The following FXN variants were observed in gnomAD, a reference collection of about 807,000 sequenced individuals.
FXN encodes the protein frataxin.
In FXN, 14 loss-of-function variants were observed where a neutral mutation model predicts 22.4. The observed-to-expected ratio is 0.62, with a 90% CI of 0.41 to 0.98. The LOEUF is 0.98. FXN is among the 50% of genes least tolerant of loss of function. FXN has a pLI of 0.00. For missense variants in FXN, 267 were observed against 268.4 expected (o/e 0.99, Z 0.04); for synonymous variants, 120 against 114.1 (o/e 1.05, Z -0.33).
chr9:69,049,067 C>G (rs1831808187), intron 2 of FXN, among the ~76,000 whole-genome samples: 1 of 152,288 alleles, frequency 6.6e-6, no homozygotes, highest in Admixed American at 6.5e-5. Flanking sequence ...GCATAGGGCC[C>G]TTGCAGGATG....
intron 1 of FXN, among the ~76,000 whole-genome samples, chr9:69,039,329 G>GA (rs1487247378): frequency 1.3e-5 from 2 of 152,006 alleles, no homozygotes; most frequent in East Asian, 3.8e-4. Context: ...AAATGAAGTT[G>GA]AAAATCCAGG....
Position 69,076,286 on chromosome 9 carries a change from C to A in FXN, c.*3524C>A, listed in dbSNP as rs1832366944. 4 of 984,338 alleles carry A rather than the reference C, an allele frequency of 4.1e-6. No homozygotes were observed. The highest frequency in any genetic ancestry group is 4.8e-6 in the Non-Finnish European group (4 of 829,706). 61.0% of individuals were successfully genotyped at this position (984,338 alleles called of 1,614,324 possible). On this transcript the variant is annotated 3_prime_UTR_variant, in exon 5 of 5. Coordinates refer to ENST00000484259, the MANE Select transcript of FXN (RefSeq NM_000144.5). The stretch of plus-strand genomic sequence containing the variant: ...TGAGCCTGGGCCCACAGGCAAAGCA[C>A]AATCCTGATGTGAGAAGTACTCAGT...
rs370051686 is a variant in FXN at position 69,075,829 on chromosome 9, T to G, written c.*3067T>G. 9.5e-5 allele frequency: 60 copies of G among 630,308 alleles called. 1 individual carries two copies. The South Asian group carries it at 3.7e-3, about 39-fold the overall frequency. 39.0% of individuals were successfully genotyped at this position (630,308 alleles called of 1,614,324 possible). ...CATGGCAGCCTCGACCTCCCTGGGC[T>G]TGGGCAATCCTCCCACAGGTGTGCA... is the stretch of plus-strand genomic sequence containing the variant. On this transcript the variant is annotated 3_prime_UTR_variant, in exon 5 of 5. Transcript: ENST00000484259.
At position 69,073,411 on chromosome 9, in the gene FXN, T is replaced by C; in HGVS notation, c.*649T>C. 1 of 985,524 alleles carries C rather than the reference T, an allele frequency of 1.0e-6. No individual in the cohort carries two copies. Among genetic ancestry groups the C allele is most frequent in the Non-Finnish European group, 1.2e-6 (1 of 830,010 alleles). 61.0% of individuals were successfully genotyped at this position (985,524 alleles called of 1,614,324 possible). A position where few individuals can be genotyped will look rare whatever the true frequency, so the allele number is the denominator to read the frequency against. ...ATTCACATACGTGTCTGTGTGTATA[T>C]ATATTTTTTCAATTTAAAGGTTAGT... On this transcript the variant is annotated 3_prime_UTR_variant, in exon 5 of 5. Transcript: ENST00000484259.
chr9:69,071,088 G>A, intron 4 of FXN: 1 of 450,596 alleles, frequency 2.2e-6, no homozygotes, highest in South Asian at 1.6e-5. Context: ...GAGAATTCTA[G>A]GGACACGTGG....
At chr9:69,065,944 T>C (rs1386299102) in intron 4 of FXN, among the ~76,000 whole-genome samples, 2 of 152,190 alleles carry the variant, frequency 1.3e-5, no homozygotes, top group Admixed American at 1.3e-4. Context: ...TAGAGTGTTA[T>C]ATATTGCTGC....
chr9:69,060,263 C>T lies in FXN; in HGVS notation c.385-4675C>T, dbSNP rs760316594. Among the ~76,000 whole-genome samples the T allele has an allele frequency of 9.3e-4, 142 of 151,924 alleles. 1 individual carries two copies. The highest frequency in any genetic ancestry group is 1.3e-3 in the Admixed American group (20 of 15,256). ...GTGGGCGCCTGTAGTCCCAGCTACTCGGGAAGCTGAGGCAGGAGAATGGCG... is the reference window on the plus strand; with the variant it reads ...GTGGGCGCCTGTAGTCCCAGCTACTTGGGAAGCTGAGGCAGGAGAATGGCG... On this transcript the variant is annotated intron_variant, in intron 3 of 4. Coordinates refer to ENST00000484259, the MANE Select transcript of FXN (RefSeq NM_000144.5).
chr9:69,068,831 C>T (rs569202320), intron 4 of FXN, among the ~76,000 whole-genome samples: 2 of 152,158 alleles, frequency 1.3e-5, no homozygotes, highest in Non-Finnish European at 2.9e-5. Context: ...TTCGAGGGTT[C>T]CAAATGAAAT....
intron 3 of FXN, among the ~76,000 whole-genome samples, chr9:69,064,599 G>T (rs1832136634): frequency 6.6e-6 from 1 of 151,992 alleles, no homozygotes; most frequent in Admixed American, 6.6e-5. Flanking sequence ...GATGGTTGAG[G>T]GCAACAAACC....
At chr9:69,062,848 T>C (rs1832100862) in intron 3 of FXN, among the ~76,000 whole-genome samples, 1 of 151,698 alleles carries the variant, frequency 6.6e-6, no homozygotes, top group Non-Finnish European at 1.5e-5. Flanking sequence ...TTAACATGGT[T>C]AATATGGTAA....
At chr9:69,061,517 CTCT>C (rs1417754581) in intron 3 of FXN, among the ~76,000 whole-genome samples, 5 of 151,984 alleles carry the variant, frequency 3.3e-5, no homozygotes, top group Non-Finnish European at 4.4e-5. Context: ...ATTCTTTGAG[CTCT>C]TTTTTTTTAT....
At chr9:69,066,582 C>T (rs975688154) in intron 4 of FXN, among the ~76,000 whole-genome samples, 1 of 152,164 alleles carries the variant, frequency 6.6e-6, no homozygotes, top group Non-Finnish European at 1.5e-5. Context: ...TTCTTCCTGA[C>T]CCTGGCTGTG....
In FXN at chr9:69,077,109, T is replaced by C. The variant is rs1172180243; in HGVS notation, c.*4347T>C. ...TTGTATTTTTAGTAGAGACGGGGTT[T>C]CACCATCATGGCCAGGCTGGTCTTG... On this transcript the variant is annotated 3_prime_UTR_variant, in exon 5 of 5. Transcript: ENST00000484259. 2.0e-6 allele frequency: 1 copy of C among 506,440 alleles called. No individual in the cohort carries two copies. Among genetic ancestry groups the C allele is most frequent in the Non-Finnish European group, 2.5e-6 (1 of 392,488 alleles). The allele number at this position is 506,440 out of a possible 1,614,324, so 31.4% of individuals were successfully genotyped here. A position where few individuals can be genotyped will look rare whatever the true frequency, so the allele number is the denominator to read the frequency against.
At chr9:69,046,605 T>C in intron 2 of FXN, 123 bp downstream of exon 2, 3 of 717,580 alleles carry the variant, frequency 4.2e-6, no homozygotes, top group Non-Finnish European at 7.6e-6. Context: ...TGACTGAGTA[T>C]CCACCACATT....
intron 2 of FXN, among the ~76,000 whole-genome samples, chr9:69,049,804 C>T (rs113675180): frequency 3.9e-5 from 6 of 152,180 alleles, no homozygotes; most frequent in South Asian, 2.1e-4. Flanking sequence ...TCCCCCATTC[C>T]GCCTTTCCCT....
At chr9:69,062,865 C>T (rs1433813628) in intron 3 of FXN, among the ~76,000 whole-genome samples, 3 of 149,642 alleles carry the variant, frequency 2.0e-5, no homozygotes, top group Non-Finnish European at 4.4e-5. Context: ...GTAAATTTAG[C>T]GTTATGTGCT....
intron 1 of FXN, among the ~76,000 whole-genome samples, chr9:69,038,963 G>A (rs1434794049): frequency 1.3e-5 from 2 of 151,904 alleles, no homozygotes; most frequent in Admixed American, 6.6e-5. Context: ...ACACTTAAAT[G>A]TCTCCTAGGC....
Position 69,073,161 on chromosome 9 carries a change from G to C in FXN, c.*399G>C. On this transcript the variant is annotated 3_prime_UTR_variant, in exon 5 of 5. Coordinates refer to ENST00000484259, the MANE Select transcript of FXN (RefSeq NM_000144.5). Reference sequence around the variant, plus strand: ...TACTGCAAGAAGTACATGAAGAGCAGCTGGTCAACCTGCTCACTGTTCTAT... The same window carrying C: ...TACTGCAAGAAGTACATGAAGAGCACCTGGTCAACCTGCTCACTGTTCTAT... The C allele has an allele frequency of 3.6e-6, 4 of 1,107,324 alleles. No homozygotes were observed. Among genetic ancestry groups the C allele is most frequent in the Non-Finnish European group, 4.4e-6 (4 of 904,208 alleles). The allele number at this position is 1,107,324 out of a possible 1,614,324, so 68.6% of individuals were successfully genotyped here.
chr9:69,037,103 C>A (rs888136335), intron 1 of FXN, among the ~76,000 whole-genome samples: 1 of 151,882 alleles, frequency 6.6e-6, no homozygotes, highest in African/African-American at 2.4e-5. Flanking sequence ...GGATTGGTTG[C>A]CAGTGCTTAA....
Sources: allele counts gnomAD v4.1 joint callset (sites outside exome capture counted in the v4.1 genomes callset), GRCh38; gene constraint gnomAD v4.1.1; transcripts MANE v1.5; gene names NCBI Gene and HGNC (gene_info 2026-07-23, HGNC 2026-07-21).